The following MEGF11 variants were observed in gnomAD, a reference collection of about 807,000 sequenced individuals.
MEGF11 encodes the protein multiple EGF like domains 11, also known as multiple epidermal growth factor-like domains protein 11.
A neutral mutation model predicts 146.6 loss-of-function variants in MEGF11; 126 were observed. The ratio of observed to expected loss-of-function variants is 0.86; its 90% CI spans 0.74 to 1.00. MEGF11 has a LOEUF of 1.00. Ranked by LOEUF, MEGF11 falls within the 50% of genes least tolerant of loss-of-function variation. The probability of loss-of-function intolerance (pLI) is 0.00; values close to 1 mark genes in which losing one functional copy is unlikely to be tolerated. For synonymous variants in MEGF11, 532 were observed against 583.4 expected (o/e 0.91, Z 1.27); for missense variants, 1,509 against 1,521.2 (o/e 0.99, Z 0.13).
At chr15:66,225,917 C>CCACACT (rs1371306881) in intron 1 of MEGF11, among the ~76,000 whole-genome samples, 15 of 152,150 alleles carry the variant, frequency 9.9e-5, no homozygotes, top group Non-Finnish European at 4.4e-5. Context: ...ATGTCCACAC[C>CCACACT]CACACTCACA....
intron 1 of MEGF11, among the ~76,000 whole-genome samples, chr15:66,227,739 G>A (rs1368625397): frequency 1.3e-5 from 2 of 152,202 alleles, no homozygotes; most frequent in Non-Finnish European, 2.9e-5. Context: ...CTGCTGTTTG[G>A]GACATGCCCT....
chr15:66,021,141 G>T (rs1401476542), intron 5 of MEGF11, among the ~76,000 whole-genome samples: 1 of 152,184 alleles, frequency 6.6e-6, no homozygotes, highest in Non-Finnish European at 1.5e-5. Context: ...GGGAGGTGAT[G>T]CAGGGGCCTG....
intron 10 of MEGF11, among the ~76,000 whole-genome samples, chr15:65,952,704 C>T: frequency 6.6e-6 from 1 of 152,224 alleles, no homozygotes; most frequent in Non-Finnish European, 1.5e-5. Context: ...AGCTCCCACA[C>T]CACTGTTTCC....
intron 4 of MEGF11, among the ~76,000 whole-genome samples, chr15:66,098,787 G>A (rs1429921797): frequency 6.6e-6 from 1 of 152,244 alleles, no homozygotes; most frequent in Admixed American, 6.5e-5. Flanking sequence ...TAGCATGAGT[G>A]ATTCTGCCAT....
At chr15:66,245,443 T>C (rs560299669) in intron 1 of MEGF11, among the ~76,000 whole-genome samples, 1 of 148,430 alleles carries the variant, frequency 6.7e-6, no homozygotes, top group African/African-American at 2.5e-5. Flanking sequence ...GCCTGGGTAA[T>C]ATAGCAAGAC....
At chr15:66,067,937 G>A (rs1445784571) in intron 5 of MEGF11, among the ~76,000 whole-genome samples, 1 of 152,212 alleles carries the variant, frequency 6.6e-6, no homozygotes, top group Non-Finnish European at 1.5e-5. Flanking sequence ...TTAGGAGCAT[G>A]GGTTCTGGAG....
intron 5 of MEGF11, among the ~76,000 whole-genome samples, chr15:66,050,452 C>T (rs141444137): frequency 7.0e-4 from 107 of 152,250 alleles, no homozygotes; most frequent in African/African-American, 2.2e-3. Context: ...AGGAAACAGC[C>T]AGTGCAAAGG....
intron 5 of MEGF11, among the ~76,000 whole-genome samples, chr15:66,071,890 A>T (rs2140475811): frequency 6.6e-6 from 1 of 152,282 alleles, no homozygotes; most frequent in South Asian, 2.1e-4. Flanking sequence ...AATTAATAGG[A>T]CACACGTGCC....
chr15:66,026,740 G>T (rs2083343790), intron 5 of MEGF11, among the ~76,000 whole-genome samples: 1 of 151,484 alleles, frequency 6.6e-6, no homozygotes. Flanking sequence ...CACCCACCTC[G>T]GCCTCTTAAA....
intron 1 of MEGF11, among the ~76,000 whole-genome samples, chr15:66,174,195 C>T (rs901684967): frequency 5.3e-5 from 8 of 152,214 alleles, no homozygotes; most frequent in Non-Finnish European, 1.0e-4. Context: ...AATCCTATTT[C>T]CATGGTCATC....
At chr15:66,233,136 C>T (rs1467966909) in intron 1 of MEGF11, among the ~76,000 whole-genome samples, 1 of 152,172 alleles carries the variant, frequency 6.6e-6, no homozygotes, top group Non-Finnish European at 1.5e-5. Flanking sequence ...TTCATAATAC[C>T]AGCACCTAGC....
chr15:65,903,356 G>C (rs1230746014), intron 24 of MEGF11, among the ~76,000 whole-genome samples: 2 of 152,204 alleles, frequency 1.3e-5, no homozygotes, highest in African/African-American at 4.8e-5. Flanking sequence ...ACTGTGCTAG[G>C]GGGAGAAGGG....
chr15:66,182,217 C>T (rs1035652501), intron 1 of MEGF11, among the ~76,000 whole-genome samples: 5 of 152,162 alleles, frequency 3.3e-5, no homozygotes, highest in African/African-American at 7.2e-5. Context: ...TACCCCTCCA[C>T]GGGCCTGCTC....
At chr15:66,106,969 T>C (rs149216207) in intron 4 of MEGF11, among the ~76,000 whole-genome samples, 7 of 152,246 alleles carry the variant, frequency 4.6e-5, no homozygotes, top group African/African-American at 1.7e-4. Context: ...GGTTAACAGC[T>C]AGCCACACAG....
At chr15:66,234,304 A>T (rs753447508) in intron 1 of MEGF11, among the ~76,000 whole-genome samples, 1 of 152,216 alleles carries the variant, frequency 6.6e-6, no homozygotes, top group Non-Finnish European at 1.5e-5. Context: ...ACAGCCAGAG[A>T]GGCGGAAAGG....
intron 10 of MEGF11, among the ~76,000 whole-genome samples, chr15:65,947,972 G>A (rs1211446777): frequency 6.6e-6 from 1 of 152,206 alleles, no homozygotes; most frequent in East Asian, 1.9e-4. Flanking sequence ...AGAGTCAGCA[G>A]TTTTCCCTAA....
At chr15:66,154,432 G>C (rs897289408) in intron 1 of MEGF11, among the ~76,000 whole-genome samples, 1 of 152,160 alleles carries the variant, frequency 6.6e-6, no homozygotes, top group African/African-American at 2.4e-5. Flanking sequence ...TGGGCTCTTC[G>C]GAGCAGAGAG....
At chr15:66,012,268 C>T (rs1201454093) in intron 5 of MEGF11, among the ~76,000 whole-genome samples, 1 of 152,218 alleles carries the variant, frequency 6.6e-6, no homozygotes, top group Non-Finnish European at 1.5e-5. Flanking sequence ...AAAATCCTTA[C>T]TGTTTTTCAT....
intron 1 of MEGF11, among the ~76,000 whole-genome samples, chr15:66,141,281 T>TGAGA (rs1363855739): frequency 0.013 from 1,232 of 97,414 alleles, 14 homozygotes; most frequent in Non-Finnish European, 0.021. Context: ...TGTGTGTGTG[T>TGAGA]GTGTGTGTGA....
Sources: gnomAD v4.1 joint callset for allele counts (sites outside exome capture counted in the v4.1 genomes callset) on GRCh38, gnomAD v4.1.1 for gene constraint, MANE v1.5 for transcripts, NCBI Gene and HGNC (gene_info 2026-07-23, HGNC 2026-07-21) for gene names.